The following KIT variants were observed in gnomAD, a reference collection of about 807,000 sequenced individuals.
The protein encoded by KIT is KIT proto-oncogene, receptor tyrosine kinase.
KIT carries 16 observed loss-of-function variants against 105.7 expected under a neutral mutation model. The observed-to-expected ratio is 0.15, with a 90% CI of 0.10 to 0.23. The LOEUF (loss-of-function observed/expected upper bound fraction) is 0.23. Ranked by LOEUF, KIT falls within the 10% of genes least tolerant of loss-of-function variation. The pLI, the probability that KIT is intolerant of heterozygous loss-of-function variation, is 1.00. For synonymous variants in KIT, 438 were observed against 441.1 expected (o/e 0.99, Z 0.09); for missense variants, 858 against 1,213.8 (o/e 0.71, Z 4.36).
rs915801316 is a variant in KIT at position 54,736,806 on chromosome 4, C to T, written c.2682C>T (p.His894=). The T allele has an allele frequency of 8.7e-6, 14 of 1,613,822 alleles. No homozygotes were observed. The highest frequency in any genetic ancestry group is 6.7e-5 in the African/African-American group (5 of 74,922). ...KEGFRMLSPE[H]APAEMYDIMK... ...GCTTCCGGATGCTCAGCCCTGAACACGCACCTGCTGAAATGTAAGAGCCAA... is the reference window on the plus strand; with the variant it reads ...GCTTCCGGATGCTCAGCCCTGAACATGCACCTGCTGAAATGTAAGAGCCAA... The change falls in exon 19 of 21, where the codon CAC becomes CAT. Residue 894 remains histidine (H), a synonymous_variant. Coordinates refer to ENST00000288135, the MANE Select transcript of KIT (RefSeq NM_000222.3).
intron 7 of KIT, among the ~76,000 whole-genome samples, chr4:54,715,309 T>G (rs1721410853): frequency 6.6e-6 from 1 of 151,622 alleles, no homozygotes; most frequent in Non-Finnish European, 1.5e-5. Context: ...GCCATCTAGC[T>G]TTTGGCCAGC....
chr4:54,685,646 G>A (rs1038499239), intron 1 of KIT, among the ~76,000 whole-genome samples: 5 of 152,238 alleles, frequency 3.3e-5, no homozygotes, highest in African/African-American at 4.8e-5. Flanking sequence ...TTACCATGAC[G>A]GAGGAGGCCT....
At position 54,691,764 on chromosome 4, in the gene KIT, C is replaced by T. The variant is rs920049840; in HGVS notation, c.68-3748C>T. ...TTGGGGTGGGGTGGGTGGCGGCTGG[C>T]GGGGAGTCTTTTAGGAGAGGATATT... On this transcript the variant is annotated intron_variant, in intron 1 of 20. Coordinates refer to ENST00000288135, the MANE Select transcript of KIT (RefSeq NM_000222.3). Among the ~76,000 whole-genome samples the T allele has an allele frequency of 4.6e-5, 7 of 151,354 alleles. No individual in the cohort carries two copies. In the South Asian group the frequency reaches 1.3e-3, roughly 27 times the overall value.
At chr4:54,718,645 C>G (rs192587473) in intron 7 of KIT, among the ~76,000 whole-genome samples, 6 of 152,224 alleles carry the variant, frequency 3.9e-5, no homozygotes, top group Admixed American at 3.9e-4. Context: ...GTATCTCGCC[C>G]TTTATAGTAA....
chr4:54,679,563 A>G (rs772556420), intron 1 of KIT, among the ~76,000 whole-genome samples: 5 of 152,156 alleles, frequency 3.3e-5, no homozygotes, highest in Non-Finnish European at 7.3e-5. Context: ...AATTTTCCCT[A>G]TTTGACAGGC....
intron 6 of KIT, among the ~76,000 whole-genome samples, chr4:54,709,150 G>A (rs1008059917): frequency 1.3e-5 from 2 of 151,988 alleles, no homozygotes; most frequent in Admixed American, 6.6e-5. Flanking sequence ...GGCGGGAGGC[G>A]GTGGGCCAGT....
chr4:54,670,876 G>T (rs1718059425), intron 1 of KIT, among the ~76,000 whole-genome samples: 1 of 152,120 alleles, frequency 6.6e-6, no homozygotes, highest in African/African-American at 2.4e-5. Flanking sequence ...CAGATCCTTT[G>T]TGTCCAATCA....
intron 17 of KIT, among the ~76,000 whole-genome samples, chr4:54,734,147 A>G (rs1034521316): frequency 1.2e-4 from 19 of 152,160 alleles, no homozygotes; most frequent in Non-Finnish European, 2.2e-4. Flanking sequence ...AATAAAAACA[A>G]CTTCTCTTCA....
intron 7 of KIT, among the ~76,000 whole-genome samples, chr4:54,720,863 CAG>C (rs1276232875): frequency 6.6e-6 from 1 of 152,120 alleles, no homozygotes; most frequent in East Asian, 1.9e-4. Flanking sequence ...TCATTCATCT[CAG>C]TGTTATAAAA....
At position 54,707,290 on chromosome 4, in the gene KIT, A is replaced by G. The variant is rs1720850807; in HGVS notation, c.1115+3A>G. 1 of 1,598,888 alleles carries G rather than the reference A, an allele frequency of 6.3e-7. No homozygotes were observed. Among genetic ancestry groups the G allele is most frequent in the Non-Finnish European group, 8.6e-7 (1 of 1,166,170 alleles). ...TCTGAGAATGAAAGTAATATCAGGT[A>G]AGAAATGGACCTTGCCCTGGGGGAT... On this transcript the variant is annotated splice_donor_region_variant and intron_variant, in intron 6 of 20. Coordinates refer to ENST00000288135, the MANE Select transcript of KIT (RefSeq NM_000222.3).
intron 1 of KIT, among the ~76,000 whole-genome samples, chr4:54,667,599 G>T (rs1717795197): frequency 6.6e-6 from 1 of 152,170 alleles, no homozygotes. Flanking sequence ...AAAAGCAAAG[G>T]TTAGAGTTAG....
intron 1 of KIT, among the ~76,000 whole-genome samples, chr4:54,685,645 C>T (rs940192485): frequency 6.6e-5 from 10 of 152,192 alleles, no homozygotes; most frequent in Admixed American, 2.6e-4. Context: ...CTTACCATGA[C>T]GGAGGAGGCC....
At chr4:54,731,822 C>G (rs374923115) in intron 15 of KIT, 49 bp from the exon 16 acceptor site, 2 of 1,605,684 alleles carry the variant, frequency 1.2e-6, no homozygotes, top group Non-Finnish European at 1.7e-6. Flanking sequence ...TTTTCCTTTC[C>G]TGACCTTTAT....
chr4:54,667,804 A>C (rs764836407), intron 1 of KIT, among the ~76,000 whole-genome samples: 3 of 152,210 alleles, frequency 2.0e-5, no homozygotes, highest in Non-Finnish European at 4.4e-5. Flanking sequence ...TTAAAAATGG[A>C]AAAGTATGGA....
intron 1 of KIT, among the ~76,000 whole-genome samples, chr4:54,687,512 C>T (rs1379118930): frequency 6.6e-6 from 1 of 152,088 alleles, no homozygotes; most frequent in Non-Finnish European, 1.5e-5. Context: ...TAGGGTGATG[C>T]CACAAATTAT....
chr4:54,714,932 G>A (rs1721375955), intron 7 of KIT, among the ~76,000 whole-genome samples: 1 of 152,292 alleles, frequency 6.6e-6, no homozygotes, highest in East Asian at 1.9e-4. Context: ...TAGATTGGAA[G>A]CCCAAGTGAC....
intron 1 of KIT, among the ~76,000 whole-genome samples, chr4:54,683,942 C>CT (rs1278659338): frequency 6.6e-6 from 1 of 152,184 alleles, no homozygotes; most frequent in African/African-American, 2.4e-5. Context: ...TGAAGTCTGT[C>CT]TGATTTGCCC....
intron 4 of KIT, among the ~76,000 whole-genome samples, chr4:54,700,628 A>G (rs1720396776): frequency 6.6e-6 from 1 of 152,210 alleles, no homozygotes; most frequent in African/African-American, 2.4e-5. Flanking sequence ...TTCATTACCC[A>G]TGCAAGCATT....
intron 16 of KIT, 43 bp downstream of exon 16, chr4:54,732,041 TTTGA>T (rs758566195): frequency 6.4e-7 from 1 of 1,561,898 alleles, no homozygotes; most frequent in Non-Finnish European, 8.6e-7. Flanking sequence ...GTTTTGTTTT[TTTGA>T]TTTTTTTTTT....
Sources: allele counts gnomAD v4.1 joint callset (sites outside exome capture counted in the v4.1 genomes callset), GRCh38; gene constraint gnomAD v4.1.1; transcripts MANE v1.5; gene names NCBI Gene and HGNC (gene_info 2026-07-23, HGNC 2026-07-21).